Variants in MCTP2 observed in about 807,000 individuals in gnomAD.
MCTP2 encodes multiple C2 and transmembrane domain containing 2, also known as multiple C2 and transmembrane domain-containing protein 2.
Under a neutral mutation model 111.6 loss-of-function variants are expected in MCTP2, and 132 were observed. That is an observed-to-expected ratio of 1.18 (90% confidence interval 1.03 to 1.37). The LOEUF (loss-of-function observed/expected upper bound fraction) is 1.37, where lower values mean the gene tolerates loss of function less well. Ranked by LOEUF, MCTP2 falls within the 40% of genes most tolerant of loss-of-function variation. The pLI, the probability that MCTP2 is intolerant of heterozygous loss-of-function variation, is 0.00. For synonymous variants in MCTP2, 395 were observed against 387.7 expected, an observed-to-expected ratio of 1.02 and a Z score of -0.22; for missense variants, 1,183 against 1,067.9, an observed-to-expected ratio of 1.11 and a Z score of -1.50.
At chr15:94,243,377 A>ACATACGTATGCGTATATGCGTATGTACG (rs2071250406) in intron 1 of MCTP2, among the ~76,000 whole-genome samples, 2 of 136,580 alleles carry the variant, frequency 1.5e-5, no homozygotes, top group African/African-American at 5.5e-5. Flanking sequence ...GCGTATGTAC[A>ACATACGTATGCGTATATGCGTATGTACG]TACATACGTA....
chr15:94,387,712 A>G (rs919179524), intron 14 of MCTP2, among the ~76,000 whole-genome samples: 1 of 152,250 alleles, frequency 6.6e-6, no homozygotes, highest in South Asian at 2.1e-4. Flanking sequence ...GAAACAATGC[A>G]TAAACAAAAC....
At position 94,356,171 on chromosome 15, in the gene MCTP2, C is replaced by T. The variant is rs147632938; in HGVS notation, c.1040C>T (p.Ser347Phe). Residue 347 changes from serine to phenylalanine, a missense_variant, in exon 9 of 23, where the codon TCC (serine) becomes TTC (phenylalanine). By Grantham distance (155) the Ser-to-Phe change is radical. Transcript: ENST00000357742. ...ATACGCAACCTACGGCTCTCTGAGTCCTTGAAAAAGAACCAACTCTGGAAC... is the reference window on the plus strand; with the variant it reads ...ATACGCAACCTACGGCTCTCTGAGTTCTTGAAAAAGAACCAACTCTGGAAC... ...SLIRNLRLSE[S>F]LKKNQLWNGI... is the part of the protein sequence containing the mutation. The T allele has an allele frequency of 6.8e-6, 11 of 1,611,036 alleles. No individual in the cohort carries two copies. In the Admixed American group the frequency reaches 1.0e-4, roughly 15 times the overall value.
intron 20 of MCTP2, among the ~76,000 whole-genome samples, chr15:94,461,549 C>G (rs188106264): frequency 2.6e-5 from 4 of 152,258 alleles, no homozygotes; most frequent in Admixed American, 2.0e-4. Context: ...ATCATGTGTT[C>G]TATCATTATG....
intron 18 of MCTP2, 129 bp from the exon 19 acceptor site, chr15:94,442,790 G>C: frequency 1.4e-6 from 1 of 719,376 alleles, no homozygotes; most frequent in East Asian, 2.5e-5. Flanking sequence ...TATTGTTTAA[G>C]AGGTTGTAAT....
intron 21 of MCTP2, among the ~76,000 whole-genome samples, chr15:94,476,168 G>C (rs1322115133): frequency 6.6e-6 from 1 of 152,098 alleles, no homozygotes; most frequent in Non-Finnish European, 1.5e-5. Flanking sequence ...GGTTTTCTTT[G>C]TAACAACAAG....
intron 14 of MCTP2, among the ~76,000 whole-genome samples, chr15:94,390,902 G>A (rs2080927779): frequency 6.6e-6 from 1 of 151,720 alleles, no homozygotes; most frequent in Non-Finnish European, 1.5e-5. Context: ...GCTAATTTTT[G>A]TATTTTTAGT....
chr15:94,395,977 T>C (rs2152469769), intron 14 of MCTP2, among the ~76,000 whole-genome samples: 1 of 152,196 alleles, frequency 6.6e-6, no homozygotes, highest in Non-Finnish European at 1.5e-5. Flanking sequence ...TGATGAGGGG[T>C]GTTTGCATTC....
At chr15:94,339,775 A>C (rs1208715226) in intron 5 of MCTP2, among the ~76,000 whole-genome samples, 1 of 152,214 alleles carries the variant, frequency 6.6e-6, no homozygotes, top group Non-Finnish European at 1.5e-5. Flanking sequence ...TGTAAGCATC[A>C]ATTGCTACAA....
At chr15:94,301,575 G>T (rs763186242) in intron 2 of MCTP2, among the ~76,000 whole-genome samples, 2 of 152,268 alleles carry the variant, frequency 1.3e-5, no homozygotes, top group South Asian at 2.1e-4. Context: ...CATGCCTTGC[G>T]CATAGCACAT....
intron 14 of MCTP2, among the ~76,000 whole-genome samples, chr15:94,390,094 A>ATATATATG (rs1567602966): frequency 2.9e-3 from 35 of 12,104 alleles, no homozygotes; most frequent in African/African-American, 6.8e-3. Flanking sequence ...ATATATGTAT[A>ATATATATG]TATATATATA....
chr15:94,256,013 T>C, intron 1 of MCTP2, among the ~76,000 whole-genome samples: 1 of 152,218 alleles, frequency 6.6e-6, no homozygotes. Context: ...AGCTCCATTT[T>C]GGTGCTCAGA....
chr15:94,442,457 T>C (rs185723225), intron 18 of MCTP2, among the ~76,000 whole-genome samples: 1 of 152,330 alleles, frequency 6.6e-6, no homozygotes, highest in Admixed American at 6.5e-5. Flanking sequence ...CTGTAACTTA[T>C]TCTTAAGATT....
In MCTP2 at chr15:94,389,497, C is replaced by T. The variant is rs79363885; in HGVS notation, c.1788+3972C>T. Among the ~76,000 whole-genome samples the T allele has an allele frequency of 9.2e-3, 1,405 of 152,242 alleles. 21 individuals carry two copies. Among genetic ancestry groups the T allele is most frequent in the African/African-American group, 0.031 (1,287 of 41,536 alleles). On this transcript the variant is annotated intron_variant, in intron 14 of 22. Transcript: ENST00000357742. Reference sequence around the variant, plus strand: ...TGAAGCAAATTAGTGAGAGAGAAGACTCTTCCCAGAAGACTTGGTTCAAAT... The same window carrying T: ...TGAAGCAAATTAGTGAGAGAGAAGATTCTTCCCAGAAGACTTGGTTCAAAT...
At chr15:94,476,841 G>A in intron 22 of MCTP2, 48 bp downstream of exon 22, 1 of 1,077,622 alleles carries the variant, frequency 9.3e-7, no homozygotes, top group African/African-American at 1.6e-5. Context: ...CCTGAAATCT[G>A]GCCAGCCCCG....
intron 1 of MCTP2, among the ~76,000 whole-genome samples, chr15:94,275,844 ATT>A (rs35006187): frequency 3.8e-4 from 50 of 131,456 alleles, no homozygotes; most frequent in Middle Eastern, 4.0e-3. Context: ...TTTTATAAGC[ATT>A]TTTTTTTTTT....
chr15:94,242,946 G>GATACAC (rs2071098327), intron 1 of MCTP2, among the ~76,000 whole-genome samples: 1 of 86,158 alleles, frequency 1.2e-5, no homozygotes, highest in Non-Finnish European at 2.7e-5. Context: ...TGTATATGTA[G>GATACAC]ATACACATAT....
At chr15:94,290,371 A>C (rs1174431927) in intron 1 of MCTP2, among the ~76,000 whole-genome samples, 1 of 152,232 alleles carries the variant, frequency 6.6e-6, no homozygotes, top group Non-Finnish European at 1.5e-5. Flanking sequence ...TGGAAAGTTA[A>C]CTATACATAC....
intron 21 of MCTP2, 127 bp downstream of exon 21, chr15:94,470,569 A>T: frequency 1.3e-6 from 1 of 761,188 alleles, no homozygotes. Context: ...TAAGGAAAGC[A>T]TTTGGGGAAC....
chr15:94,251,339 T>A (rs1415483851), intron 1 of MCTP2, among the ~76,000 whole-genome samples: 1 of 151,700 alleles, frequency 6.6e-6, no homozygotes, highest in East Asian at 1.9e-4. Flanking sequence ...CATCCTAAAA[T>A]ACACATAACC....
Sources: gnomAD v4.1 joint callset for allele counts (sites outside exome capture counted in the v4.1 genomes callset) on GRCh38, gnomAD v4.1.1 for gene constraint, MANE v1.5 for transcripts, NCBI Gene and HGNC (gene_info 2026-07-23, HGNC 2026-07-21) for gene names.